PLAC8: variants seen among roughly 807,000 people sequenced by gnomAD.
PLAC8 encodes placenta associated 8, also known as placenta-specific gene 8 protein.
A neutral mutation model predicts 12.6 loss-of-function variants in PLAC8; 6 were observed. The ratio of observed to expected loss-of-function variants is 0.48; its 90% CI spans 0.26 to 0.94. PLAC8 has a LOEUF of 0.94. PLAC8 is among the 40% of genes least tolerant of loss of function. PLAC8 has a pLI of 0.14. For synonymous variants in PLAC8, 54 were observed against 52.6 expected, an observed-to-expected ratio of 1.03 and a Z score of -0.11; for missense variants, 122 against 152.7, an observed-to-expected ratio of 0.80 and a Z score of 1.06.
chr4:83,114,610 T>C (rs1443650489), intron 1 of PLAC8, 56 bp downstream of exon 1: 1 of 140,104 alleles, frequency 7.1e-6, no homozygotes, highest in Non-Finnish European at 1.5e-5. Context: ...TAAAGAAAGC[T>C]TTTTTTTTTT....
chr4:83,106,435 C>T (rs9684014), intron 2 of PLAC8, among the ~76,000 whole-genome samples: 59,934 of 151,308 alleles, frequency 0.4, 12,022 homozygotes, highest in Middle Eastern at 0.47. Context: ...CTGCCCAACA[C>T]GATGAAACCC....
intron 3 of PLAC8, among the ~76,000 whole-genome samples, chr4:83,096,420 T>C (rs1731927442): frequency 6.6e-6 from 1 of 152,190 alleles, no homozygotes; most frequent in South Asian, 2.1e-4. Context: ...AAAAAAATGC[T>C]TATTGACAAC....
At chr4:83,108,878 T>C (rs1276318347) in intron 1 of PLAC8, among the ~76,000 whole-genome samples, 1 of 152,246 alleles carries the variant, frequency 6.6e-6, no homozygotes, top group Non-Finnish European at 1.5e-5. Flanking sequence ...TGATTTCCGA[T>C]GAGCAATCCT....
intron 3 of PLAC8, among the ~76,000 whole-genome samples, chr4:83,103,548 C>T (rs13140472): frequency 0.4 from 61,227 of 151,968 alleles, 12,573 homozygotes; most frequent in Middle Eastern, 0.47. Context: ...AGGACTGAAT[C>T]CAATTTTGAA....
intron 2 of PLAC8, among the ~76,000 whole-genome samples, chr4:83,105,846 T>C (rs1304150176): frequency 6.6e-6 from 1 of 152,206 alleles, no homozygotes; most frequent in Non-Finnish European, 1.5e-5. Context: ...TGCAGTCTAA[T>C]TCTCACTTTG....
At chr4:83,110,998 G>T (rs1732412313) in intron 1 of PLAC8, among the ~76,000 whole-genome samples, 1 of 152,136 alleles carries the variant, frequency 6.6e-6, no homozygotes, top group Non-Finnish European at 1.5e-5. Flanking sequence ...AGGTCTCTTT[G>T]TTGTCCAGGC....
chr4:83,097,595 A>G (rs941174885), intron 3 of PLAC8, among the ~76,000 whole-genome samples: 1 of 152,184 alleles, frequency 6.6e-6, no homozygotes, highest in African/African-American at 2.4e-5. Flanking sequence ...CCCGCTAGCT[A>G]TGCTAAAAAG....
intron 3 of PLAC8, among the ~76,000 whole-genome samples, chr4:83,099,221 T>G (rs1424118796): frequency 6.7e-6 from 1 of 149,020 alleles, no homozygotes; most frequent in Non-Finnish European, 1.5e-5. Flanking sequence ...AAGATGATTT[T>G]ATAATCAGCT....
chr4:83,102,509 A>T (rs970994918), intron 3 of PLAC8, among the ~76,000 whole-genome samples: 3 of 152,326 alleles, frequency 2.0e-5, no homozygotes, highest in African/African-American at 7.2e-5. Flanking sequence ...ACTGCACTCC[A>T]GCCTGGGTGA....
chr4:83,096,996 A>G (rs1731949783), intron 3 of PLAC8, among the ~76,000 whole-genome samples: 1 of 152,216 alleles, frequency 6.6e-6, no homozygotes, highest in African/African-American at 2.4e-5. Context: ...CTTCTCCCGT[A>G]GTATTTCCCT....
chr4:83,102,479 C>A (rs1257895008), intron 3 of PLAC8, among the ~76,000 whole-genome samples: 2 of 152,172 alleles, frequency 1.3e-5, no homozygotes, highest in Non-Finnish European at 2.9e-5. Flanking sequence ...GGGAAGGCTG[C>A]AGTGAGCCGA....
At chr4:83,109,925 C>T (rs1418151289) in intron 1 of PLAC8, 1 of 152,278 alleles carries the variant, frequency 6.6e-6, no homozygotes, top group Admixed American at 6.5e-5. Context: ...CCAAGGAGAC[C>T]GCCCATTTTT....
chr4:83,091,368 A>C (rs1160636896), intron 4 of PLAC8, among the ~76,000 whole-genome samples: 1 of 152,088 alleles, frequency 6.6e-6, no homozygotes, highest in Non-Finnish European at 1.5e-5. Flanking sequence ...TTTCAGGAGG[A>C]GTAGTCAGGT....
At position 83,090,710 on chromosome 4, in the gene PLAC8, G is replaced by A. The variant is rs1731789140; in HGVS notation, c.*271C>T. 1 of 150,262 alleles carries A rather than the reference G, an allele frequency of 6.7e-6. No individual in the cohort carries two copies. The highest frequency in any genetic ancestry group is 1.5e-5 in the Non-Finnish European group (1 of 67,802). The allele number at this position is 150,262 out of a possible 1,614,324, so 9.3% of individuals were successfully genotyped here. On this transcript the variant is annotated 3_prime_UTR_variant, in exon 5 of 5. Transcript: ENST00000311507. ...ATCTTATCAGTAAAATATTTCATTT[G>A]GTTTATATTTCAAATGTAATTTAAA...
intron 3 of PLAC8, among the ~76,000 whole-genome samples, chr4:83,095,653 G>A (rs1388189909): frequency 6.6e-6 from 1 of 152,128 alleles, no homozygotes; most frequent in African/African-American, 2.4e-5. Flanking sequence ...TTCCCTAGTG[G>A]GAGGTTAACA....
At chr4:83,114,496 C>T (rs1417447674) in intron 1 of PLAC8, among the ~76,000 whole-genome samples, 170 bp downstream of exon 1, 2 of 151,938 alleles carry the variant, frequency 1.3e-5, no homozygotes, top group Admixed American at 6.6e-5. Flanking sequence ...TTGAATTTGA[C>T]TAAATGTATA....
intron 4 of PLAC8, among the ~76,000 whole-genome samples, chr4:83,091,725 C>T (rs1272244348): frequency 6.6e-6 from 1 of 152,134 alleles, no homozygotes; most frequent in East Asian, 1.9e-4. Flanking sequence ...GAGTATCTAC[C>T]TAAATATTTG....
intron 1 of PLAC8, among the ~76,000 whole-genome samples, chr4:83,109,570 G>C (rs1253751929): frequency 6.6e-6 from 1 of 152,212 alleles, no homozygotes; most frequent in Non-Finnish European, 1.5e-5. Context: ...GTCGGGTGAC[G>C]GACTAGGCGA....
intron 2 of PLAC8, among the ~76,000 whole-genome samples, chr4:83,106,813 T>C (rs926098294): frequency 2.6e-5 from 4 of 152,228 alleles, no homozygotes; most frequent in Non-Finnish European, 5.9e-5. Flanking sequence ...AGCACCTTGC[T>C]CCTCGCTGCA....
Sources: gnomAD v4.1 joint callset for allele counts (sites outside exome capture counted in the v4.1 genomes callset) on GRCh38, gnomAD v4.1.1 for gene constraint, MANE v1.5 for transcripts, NCBI Gene and HGNC (gene_info 2026-07-23, HGNC 2026-07-21) for gene names.